IQCH: variants seen among roughly 807,000 people sequenced by gnomAD.
IQCH encodes IQ domain-containing protein H.
IQCH carries 98 observed loss-of-function variants against 117.0 expected under a neutral mutation model. That is an observed-to-expected ratio of 0.84 (90% confidence interval 0.71 to 0.99). IQCH has a LOEUF of 0.99. Among genes scored for constraint, IQCH ranks in the 50% least tolerant of loss-of-function variants. The probability of loss-of-function intolerance (pLI) is 0.00; values close to 1 mark genes in which losing one functional copy is unlikely to be tolerated. For synonymous variants in IQCH, 412 were observed against 448.2 expected, an observed-to-expected ratio of 0.92 and a Z score of 1.02; for missense variants, 1,102 against 1,243.8, an observed-to-expected ratio of 0.89 and a Z score of 1.72.
intron 16 of IQCH, among the ~76,000 whole-genome samples, chr15:67,434,773 T>G (rs2082094546): frequency 1.4e-5 from 2 of 143,964 alleles, no homozygotes; most frequent in Non-Finnish European, 3.0e-5. Context: ...CTTTTGTCTT[T>G]TCTTTTCTTT....
rs760336160 is a variant in IQCH, at chr15:67,372,241, G to A, written c.884G>A (p.Trp295Ter). 1 of 1,613,956 alleles carries A rather than the reference G, an allele frequency of 6.2e-7. No homozygotes were observed. Among genetic ancestry groups the A allele is most frequent in the Non-Finnish European group, 8.5e-7 (1 of 1,179,998 alleles). Residue 295 changes from tryptophan to a stop codon, truncating the protein, a stop_gained, in exon 9 of 21, where the codon TGG (tryptophan) becomes TAG (stop). Coordinates refer to ENST00000335894, the MANE Select transcript of IQCH (RefSeq NM_001031715.3). LOFTEE classifies it high-confidence loss of function. ...LAFKEHFSLA[W>*]GGIFSLLEHV... ...TTCAAGGAACATTTTAGCTTAGCTT[G>A]GGGAGGTATTTTTTCTCTCTTGGAA...
At chr15:67,290,327 C>T (rs1966709213) in intron 4 of IQCH, among the ~76,000 whole-genome samples, 1 of 152,058 alleles carries the variant, frequency 6.6e-6, no homozygotes, top group African/African-American at 2.4e-5. Context: ...ATTTCTGCAT[C>T]TGTAATAACT....
chr15:67,330,654 A>G (rs1442471171), intron 4 of IQCH, among the ~76,000 whole-genome samples: 1 of 152,182 alleles, frequency 6.6e-6, no homozygotes, highest in East Asian at 1.9e-4. Context: ...AAGTGCAGTA[A>G]AAAAACAACA....
At chr15:67,483,337 C>T (rs922048595) in intron 18 of IQCH, among the ~76,000 whole-genome samples, 9 of 152,058 alleles carry the variant, frequency 5.9e-5, no homozygotes, top group East Asian at 1.9e-4. Context: ...ACCAACATAG[C>T]GAAACCCCAT....
chr15:67,401,064 G>T lies in IQCH; in HGVS notation c.2097+759G>T, dbSNP rs1971641176. On this transcript the variant is annotated intron_variant, in intron 14 of 20. Coordinates refer to ENST00000335894, the MANE Select transcript of IQCH (RefSeq NM_001031715.3). The surrounding 1 kb of genome is among the most constrained non-coding windows in gnomAD (Gnocchi z 4.7). ...ATTCTGTCAGCAGTCATGTGTTTTT[G>T]AAGACAATTCAAGGAAATTTATGTA... Among the ~76,000 whole-genome samples, 1 of 152,104 alleles carries T rather than the reference G, an allele frequency of 6.6e-6. No homozygotes were observed. Among genetic ancestry groups the T allele is most frequent in the South Asian group, 2.1e-4 (1 of 4,822 alleles).
At chr15:67,306,397 C>G (rs1967295406) in intron 4 of IQCH, among the ~76,000 whole-genome samples, 1 of 152,108 alleles carries the variant, frequency 6.6e-6, no homozygotes, top group East Asian at 1.9e-4. Context: ...CATTTTAGAA[C>G]TAAACACTCA....
chr15:67,360,189 G>T, intron 8 of IQCH: 1 of 349,554 alleles, frequency 2.9e-6, no homozygotes, highest in Non-Finnish European at 5.1e-6. Context: ...TTCAATCAAA[G>T]ATTTTCATCT....
In IQCH at chr15:67,458,559, A is replaced by ACT. The variant is rs1199816306; in HGVS notation, c.2506-6566_2506-6565dup. Among the ~76,000 whole-genome samples the ACT allele has an allele frequency of 6.6e-6, 1 of 152,000 alleles. No homozygotes were observed. The highest frequency in any genetic ancestry group is 1.5e-5 in the Non-Finnish European group (1 of 67,988). On this transcript the variant is annotated intron_variant, in intron 16 of 20. Transcript: ENST00000335894. This position sits in a 1 kb window ranked among gnomAD's most constrained non-coding sequence, Gnocchi z 4.1. ...ATTAGTTAGCTCACATCACTCCTCCACTCAACACTCTCCAGTGCATTCCCA... is the reference window on the plus strand; with the variant it reads ...ATTAGTTAGCTCACATCACTCCTCCACTCTCAACACTCTCCAGTGCATTCCCA...
Position 67,417,082 on chromosome 15 carries a change from A to T in IQCH, c.2218+31A>T. On this transcript the variant is annotated intron_variant, in intron 15 of 20. Coordinates refer to ENST00000335894, the MANE Select transcript of IQCH (RefSeq NM_001031715.3). This position sits in a 1 kb window ranked among gnomAD's most constrained non-coding sequence, Gnocchi z 4.3. ...TAAGACTGTAAAGTTTCTATTGAGG[A>T]TTAGTCTACACAACCTTGGATTCTA... 1 of 1,579,066 alleles carries T rather than the reference A, an allele frequency of 6.3e-7. No individual in the cohort carries two copies. The highest frequency in any genetic ancestry group is 8.6e-7 in the Non-Finnish European group (1 of 1,163,122).
At chr15:67,267,619 T>G (rs1423303441) in intron 3 of IQCH, among the ~76,000 whole-genome samples, 1 of 152,174 alleles carries the variant, frequency 6.6e-6, no homozygotes, top group African/African-American at 2.4e-5. Context: ...CTGCTCAAAC[T>G]GTGAGGCTGA....
At chr15:67,485,745 G>A (rs933902691) in intron 18 of IQCH, among the ~76,000 whole-genome samples, 9 of 151,608 alleles carry the variant, frequency 5.9e-5, no homozygotes, top group African/African-American at 2.2e-4. Flanking sequence ...TGCAACCTCC[G>A]CCTTCCGGGT....
chr15:67,334,999 T>G (rs1968828991), intron 4 of IQCH, among the ~76,000 whole-genome samples: 1 of 152,162 alleles, frequency 6.6e-6, no homozygotes, highest in Non-Finnish European at 1.5e-5. Flanking sequence ...CCAGTGACAC[T>G]ATCTGAGGGA....
intron 16 of IQCH, among the ~76,000 whole-genome samples, chr15:67,429,657 T>TA (rs2081978682): frequency 6.6e-6 from 1 of 152,264 alleles, no homozygotes. Flanking sequence ...ACACAGGTCT[T>TA]ACAATAAGAC....
rs1966785310 is a variant in IQCH at position 67,292,492 on chromosome 15, A to G, written c.387+12980A>G. 2.0e-5 allele frequency among the ~76,000 whole-genome samples: 3 copies of G among 152,054 alleles called. No homozygotes were observed. The South Asian group carries it at 6.2e-4, about 32-fold the overall frequency. ...GGTCTCAAACTTCTGAGCTCAAGTGATCCTCCTGCCTTGGCCTCCCAAAAT... is the reference window on the plus strand; with the variant it reads ...GGTCTCAAACTTCTGAGCTCAAGTGGTCCTCCTGCCTTGGCCTCCCAAAAT... On this transcript the variant is annotated intron_variant, in intron 4 of 20. Coordinates refer to ENST00000335894, the MANE Select transcript of IQCH (RefSeq NM_001031715.3).
intron 8 of IQCH, chr15:67,371,533 G>T (rs866601100): frequency 6.5e-7 from 1 of 1,533,346 alleles, no homozygotes; most frequent in Middle Eastern, 1.7e-4. Context: ...GAATGACAAA[G>T]GTGATAACAT....
chr15:67,342,361 C>A lies in IQCH; in HGVS notation c.509-1702C>A, dbSNP rs183525389. ...ATTCCAGCATTTCAATGAAAAGATA[C>A]TCAGTAATCTCTTCTGCTTGTTCGA... On this transcript the variant is annotated intron_variant, in intron 5 of 20. Coordinates refer to ENST00000335894, the MANE Select transcript of IQCH (RefSeq NM_001031715.3). This position sits in a 1 kb window ranked among gnomAD's most constrained non-coding sequence, Gnocchi z 4.7. Among the ~76,000 whole-genome samples the A allele has an allele frequency of 6.6e-6, 1 of 152,190 alleles. No homozygotes were observed. Among genetic ancestry groups the A allele is most frequent in the East Asian group, 1.9e-4 (1 of 5,184 alleles).
At position 67,376,076 on chromosome 15, in the gene IQCH, C is replaced by T. The variant is rs980382071; in HGVS notation, c.1372+2643C>T. 1.7e-4 allele frequency among the ~76,000 whole-genome samples: 26 copies of T among 152,216 alleles called. No homozygotes were observed. The highest frequency in any genetic ancestry group is 5.8e-4 in the African/African-American group (24 of 41,534). On this transcript the variant is annotated intron_variant, in intron 10 of 20. Coordinates refer to ENST00000335894, the MANE Select transcript of IQCH (RefSeq NM_001031715.3). The surrounding 1 kb of genome is among the most constrained non-coding windows in gnomAD (Gnocchi z 5.0). ...TGCTGGGATTATAGGTGTGAGCCAC[C>T]GCATCCGGCCGTGCTTTGGATTTTA...
In IQCH at chr15:67,475,880, C is replaced by CT; in HGVS notation, c.2799+63dup. On this transcript the variant is annotated intron_variant, in intron 18 of 20. Coordinates refer to ENST00000335894, the MANE Select transcript of IQCH (RefSeq NM_001031715.3). The surrounding 1 kb of genome is among the most constrained non-coding windows in gnomAD (Gnocchi z 5.7). ...ACATGCCTGTGGGTGATCTAGGTAG[C>CT]TAATAATTTGGTGCCCCTTCAGATA... 2.7e-6 allele frequency: 4 copies of CT among 1,475,822 alleles called. No individual in the cohort carries two copies. Among genetic ancestry groups the CT allele is most frequent in the Non-Finnish European group, 3.8e-6 (4 of 1,063,514 alleles). 91.4% of individuals were successfully genotyped at this position (1,475,822 alleles called of 1,614,324 possible). A position where few individuals can be genotyped will look rare whatever the true frequency, so the allele number is the denominator to read the frequency against.
intron 10 of IQCH, among the ~76,000 whole-genome samples, chr15:67,382,596 T>C (rs1420497898): frequency 6.6e-6 from 1 of 152,244 alleles, no homozygotes; most frequent in Admixed American, 6.5e-5. Flanking sequence ...CTGCTCACAC[T>C]TGGAGAGTCT....
Sources: gnomAD v4.1 joint callset for allele counts (sites outside exome capture counted in the v4.1 genomes callset) on GRCh38, gnomAD v4.1.1 for gene constraint, Gnocchi (gnomAD v3.1) non-coding constraint, MANE v1.5 for transcripts, NCBI Gene and HGNC (gene_info 2026-07-23, HGNC 2026-07-21) for gene names.